Variants in PITPNC1 observed in about 807,000 individuals in gnomAD.
The protein encoded by PITPNC1 is phosphatidylinositol transfer protein cytoplasmic 1.
Under a neutral mutation model 44.7 loss-of-function variants are expected in PITPNC1, and 18 were observed. The observed-to-expected ratio is 0.40, with a 90% confidence interval of 0.28 to 0.60. The LOEUF is 0.60. Ranked by LOEUF, PITPNC1 falls within the 20% of genes least tolerant of loss-of-function variation. The pLI, the probability that PITPNC1 is intolerant of heterozygous loss-of-function variation, is 0.39. For missense variants in PITPNC1, 290 were observed against 418.4 expected, an observed-to-expected ratio of 0.69 and a Z score of 2.68; for synonymous variants, 141 against 149.6, an observed-to-expected ratio of 0.94 and a Z score of 0.42.
intron 2 of PITPNC1, among the ~76,000 whole-genome samples, chr17:67,545,906 C>T (rs2040673630): frequency 6.6e-6 from 1 of 151,954 alleles, no homozygotes; most frequent in South Asian, 2.1e-4. Flanking sequence ...TGCACAATAG[C>T]CATAATAAAG....
chr17:67,395,028 CTATT>C (rs1241938783), intron 1 of PITPNC1, among the ~76,000 whole-genome samples: 1 of 152,118 alleles, frequency 6.6e-6, no homozygotes, highest in African/African-American at 2.4e-5. Flanking sequence ...GACCCCATAT[CTATT>C]TATGTATATA....
intron 1 of PITPNC1, among the ~76,000 whole-genome samples, chr17:67,461,824 C>T (rs1258705453): frequency 6.6e-6 from 1 of 152,064 alleles, no homozygotes; most frequent in Non-Finnish European, 1.5e-5. Context: ...TAAACAAAAA[C>T]AAAAACAAAA....
At chr17:67,559,756 G>A (rs1211420365) in intron 4 of PITPNC1, among the ~76,000 whole-genome samples, 1 of 152,134 alleles carries the variant, frequency 6.6e-6, no homozygotes, top group Non-Finnish European at 1.5e-5. Context: ...GCATGGTGAC[G>A]CATGCCTGTA....
intron 2 of PITPNC1, among the ~76,000 whole-genome samples, chr17:67,538,061 A>C (rs1293405939): frequency 2.6e-5 from 4 of 152,048 alleles, no homozygotes; most frequent in African/African-American, 9.7e-5. Context: ...GACCTACTAG[A>C]TATCATTATA....
intron 7 of PITPNC1, among the ~76,000 whole-genome samples, chr17:67,674,994 G>A (rs1408252597): frequency 1.5e-5 from 2 of 136,192 alleles, no homozygotes; most frequent in African/African-American, 2.8e-5. Context: ...CTTGGCGACA[G>A]AGTAAGACTC....
chr17:67,675,390 C>G, intron 7 of PITPNC1, 89 bp from the exon 8 acceptor site: 3 of 937,090 alleles, frequency 3.2e-6, no homozygotes, highest in Non-Finnish European at 5.3e-6. Context: ...TCTGTAATCA[C>G]CAAGATCCCC....
At chr17:67,506,656 G>A (rs772680120) in intron 1 of PITPNC1, among the ~76,000 whole-genome samples, 11 of 152,012 alleles carry the variant, frequency 7.2e-5, no homozygotes, top group African/African-American at 1.7e-4. Context: ...TACTATACGC[G>A]ATGTACTGCG....
intron 5 of PITPNC1, among the ~76,000 whole-genome samples, chr17:67,586,425 CA>C (rs33998127): frequency 0.19 from 20,616 of 110,550 alleles, 1,703 homozygotes; most frequent in South Asian, 0.27. Flanking sequence ...GTTTCTACTT[CA>C]AAAAAAAAAA....
Position 67,691,102 on chromosome 17 carries a change from C to CAAAT in PITPNC1, c.683-1443_683-1440dup, listed in dbSNP as rs71864063. 6.6e-4 allele frequency among the ~76,000 whole-genome samples: 99 copies of CAAAT among 149,094 alleles called. 1 individual carries two copies. Among genetic ancestry groups the CAAAT allele is most frequent in the South Asian group, 1.7e-3 (8 of 4,666 alleles). On this transcript the variant is annotated intron_variant, in intron 8 of 8. Transcript: ENST00000581322. ...TGTGCAACAGAGCAAGACTCTATCT[C>CAAAT]AAATAAATAAATAAATAAATAAATA...
rs758136243 is a variant in PITPNC1, at chr17:67,692,579, A to T, written c.690A>T (p.Thr230=). ...CTGTTTTTCTCCTTGAAGACATGAC[A>T]ATGGATGAAGTCCGAGAATTTGAAC... ...FAWVDEWYDM[T]MDEVREFERA... The change falls in exon 9 of 9, where the codon ACA becomes ACT. Residue 230 remains threonine (T), a synonymous_variant. Coordinates refer to ENST00000581322, the MANE Select transcript of PITPNC1 (RefSeq NM_012417.4). The T allele has an allele frequency of 7.4e-6, 12 of 1,611,848 alleles. No individual in the cohort carries two copies. Among genetic ancestry groups the T allele is most frequent in the Middle Eastern group, 1.7e-4 (1 of 6,054 alleles).
chr17:67,479,385 G>A lies in PITPNC1; in HGVS notation c.49-53417G>A, dbSNP rs537295775. On this transcript the variant is annotated intron_variant, in intron 1 of 8. Coordinates refer to ENST00000581322, the MANE Select transcript of PITPNC1 (RefSeq NM_012417.4). ...TTTTCCCTTTTCCGCTTTACCATGA[G>A]ACAGTGCTTTGTCAAAAGGAAGTGC... Among the ~76,000 whole-genome samples, 173 of 152,320 alleles carry A rather than the reference G, an allele frequency of 1.1e-3. 4 individuals are homozygous for A. The highest frequency in any genetic ancestry group is 0.011 in the Admixed American group (172 of 15,298).
At chr17:67,579,030 A>C (rs148677203) in intron 5 of PITPNC1, among the ~76,000 whole-genome samples, 128 of 152,376 alleles carry the variant, frequency 8.4e-4, no homozygotes, top group South Asian at 1.7e-3. Flanking sequence ...ATGTGTGTGC[A>C]TACTGCATGC....
chr17:67,494,215 T>TTCTTTCTTTC lies in PITPNC1; in HGVS notation c.49-38586_49-38585insCTTTCTTTCT, dbSNP rs1568012981. On this transcript the variant is annotated intron_variant, in intron 1 of 8. Coordinates refer to ENST00000581322, the MANE Select transcript of PITPNC1 (RefSeq NM_012417.4). ...TTTCTTTCTTTCTTTCTTTCTTTCT[T>TTCTTTCTTTC]TTTGAGACGTAGTCTTGCTCTGTTA... 4.6e-4 allele frequency among the ~76,000 whole-genome samples: 69 copies of TTCTTTCTTTC among 148,876 alleles called. 1 individual carries two copies. Among genetic ancestry groups the TTCTTTCTTTC allele is most frequent in the African/African-American group, 1.7e-3 (67 of 39,372 alleles).
chr17:67,495,158 G>A (rs574696085), intron 1 of PITPNC1, among the ~76,000 whole-genome samples: 3 of 143,112 alleles, frequency 2.1e-5, no homozygotes, highest in South Asian at 4.5e-4. Context: ...CCGGGTTCAC[G>A]CCATTCTCCT....
chr17:67,617,339 C>T (rs184795201), intron 5 of PITPNC1, among the ~76,000 whole-genome samples: 9 of 152,222 alleles, frequency 5.9e-5, no homozygotes, highest in Admixed American at 6.5e-5. Flanking sequence ...GAACCTGCCT[C>T]TAATAAAAAT....
At chr17:67,688,699 C>T (rs559336617) in intron 8 of PITPNC1, among the ~76,000 whole-genome samples, 11 of 152,286 alleles carry the variant, frequency 7.2e-5, no homozygotes, top group Admixed American at 5.9e-4. Flanking sequence ...CTTTCAATTA[C>T]CTTTTCTTTT....
In PITPNC1 at chr17:67,505,764, C is replaced by T. The variant is rs557952374; in HGVS notation, c.49-27038C>T. On this transcript the variant is annotated intron_variant, in intron 1 of 8. Coordinates refer to ENST00000581322, the MANE Select transcript of PITPNC1 (RefSeq NM_012417.4). ...TGTTGGGATTACAGACGTGAGCCAC[C>T]GCGCCCAGCCCAAGTTGTTTTTGAG... 7.2e-5 allele frequency among the ~76,000 whole-genome samples: 11 copies of T among 152,224 alleles called. No homozygotes were observed. In the South Asian group the frequency reaches 1.2e-3, roughly 17 times the overall value.
chr17:67,566,735 T>TCA (rs1294279274), intron 4 of PITPNC1, among the ~76,000 whole-genome samples: 2 of 152,226 alleles, frequency 1.3e-5, no homozygotes, highest in East Asian at 3.8e-4. Context: ...TATGACAGAT[T>TCA]CACACACACA....
chr17:67,556,479 G>C (rs2040839717), intron 4 of PITPNC1, among the ~76,000 whole-genome samples: 2 of 152,154 alleles, frequency 1.3e-5, no homozygotes, highest in Admixed American at 1.3e-4. Context: ...CAAATTTATG[G>C]GAGAGAGATG....
Sources: allele counts gnomAD v4.1 joint callset (sites outside exome capture counted in the v4.1 genomes callset), GRCh38; gene constraint gnomAD v4.1.1; transcripts MANE v1.5; gene names NCBI Gene and HGNC (gene_info 2026-07-23, HGNC 2026-07-21).